The following FNBP4 variants were observed in gnomAD, a reference collection of about 807,000 sequenced individuals.
FNBP4 encodes formin binding protein 4, also known as formin-binding protein 4.
A neutral mutation model predicts 119.3 loss-of-function variants in FNBP4; 34 were observed. The ratio of observed to expected loss-of-function variants is 0.28; its 90% confidence interval spans 0.22 to 0.38. FNBP4 has a LOEUF of 0.38. Among genes scored for constraint, FNBP4 ranks in the 10% least tolerant of loss-of-function variants. The pLI is 1.00. For synonymous variants in FNBP4, 462 were observed against 430.6 expected (o/e 1.07, Z -0.90); for missense variants, 1,112 against 1,228.9 (o/e 0.90, Z 1.42).
At chr11:47,759,514 C>T (rs1477994628) in intron 2 of FNBP4, among the ~76,000 whole-genome samples, 2 of 151,928 alleles carry the variant, frequency 1.3e-5, no homozygotes, top group East Asian at 1.9e-4. Flanking sequence ...GCGCCCGGCC[C>T]AATTTTCTTG....
chr11:47,745,600 C>T (rs952182342), intron 7 of FNBP4, among the ~76,000 whole-genome samples: 1 of 151,876 alleles, frequency 6.6e-6, no homozygotes, highest in Non-Finnish European at 1.5e-5. Flanking sequence ...GAACATAGAC[C>T]CTTATCAGTA....
intron 12 of FNBP4, among the ~76,000 whole-genome samples, chr11:47,727,200 T>C (rs777208456): frequency 5.3e-5 from 8 of 152,050 alleles, no homozygotes; most frequent in Non-Finnish European, 8.8e-5. Context: ...TTGATAAAAT[T>C]AGCCACAAAT....
intron 11 of FNBP4, 84 bp from the exon 12 acceptor site, chr11:47,731,645 G>A: frequency 6.6e-7 from 1 of 1,516,290 alleles, no homozygotes; most frequent in Non-Finnish European, 8.8e-7. Context: ...CAGGACAGCA[G>A]TCTGCTTTCA....
chr11:47,723,236 T>C lies in FNBP4; in HGVS notation c.2545A>G (p.Met849Val), dbSNP rs1160105416. Residue 849 changes from methionine to valine, a missense_variant, in exon 15 of 17, where the codon ATG (methionine) becomes GTG (valine). Coordinates refer to ENST00000263773, the MANE Select transcript of FNBP4 (RefSeq NM_015308.5). ...CTCATTCCTCTGGCCTGATGACCCA[T>C]TCCTGCTGCTGGAAGGCTAACTGGT... is the stretch of plus-strand genomic sequence containing the variant. ...TIPVSLPAAG[M>V]GHQARGMSLQ... 1 of 1,614,200 alleles carries C rather than the reference T, an allele frequency of 6.2e-7. No homozygotes were observed. Among genetic ancestry groups the C allele is most frequent in the Admixed American group, 1.7e-5 (1 of 60,018 alleles).
intron 2 of FNBP4, among the ~76,000 whole-genome samples, chr11:47,762,501 T>C (rs967795468): frequency 6.6e-6 from 1 of 152,068 alleles, no homozygotes; most frequent in African/African-American, 2.4e-5. Flanking sequence ...TGATCATATA[T>C]AGCTGACTGC....
At chr11:47,761,343 C>G (rs1599265055) in intron 2 of FNBP4, among the ~76,000 whole-genome samples, 1 of 152,088 alleles carries the variant, frequency 6.6e-6, no homozygotes. Context: ...CGCTCTAATC[C>G]CAGCACTTTG....
Position 47,767,231 on chromosome 11 carries a change from G to T in FNBP4, c.58C>A (p.Pro20Thr), listed in dbSNP as rs1229989308. Residue 20 changes from proline (P) to threonine (T), a missense_variant, in exon 1 of 17, where the codon CCG (proline) becomes ACG (threonine). By Grantham distance (38) the Pro-to-Thr change is conservative. Around this residue, in one of 2 missense-constraint regions of FNBP4, gnomAD observed 286 missense variants for 240.1 expected, o/e 1.19. Transcript: ENST00000263773. ...GRRPILQLSP[P>T]GPRGSTPGRD... ...CCCGGCGTGCTGCCCCGAGGACCCG[G>T]CGGAGAGAGTTGCAGGATGGGCCTA... is the stretch of plus-strand genomic sequence containing the variant. The T allele has an allele frequency of 6.4e-7, 1 of 1,570,504 alleles. No individual in the cohort carries two copies. Among genetic ancestry groups the T allele is most frequent in the Admixed American group, 1.8e-5 (1 of 55,060 alleles).
intron 12 of FNBP4, among the ~76,000 whole-genome samples, chr11:47,727,776 G>A (rs779181396): frequency 1.3e-5 from 2 of 152,138 alleles, no homozygotes; most frequent in African/African-American, 4.8e-5. Flanking sequence ...CATGGATGTC[G>A]TATTACAATG....
chr11:47,748,097 G>A (rs551129700), intron 6 of FNBP4, among the ~76,000 whole-genome samples: 84 of 151,490 alleles, frequency 5.5e-4, no homozygotes, highest in Middle Eastern at 3.4e-3. Flanking sequence ...AAAATTAGCC[G>A]GGCGTGGGAC....
intron 6 of FNBP4, among the ~76,000 whole-genome samples, chr11:47,747,299 G>A (rs1235902553): frequency 6.6e-6 from 1 of 152,072 alleles, no homozygotes; most frequent in African/African-American, 2.4e-5. Flanking sequence ...CTGCCTCCCG[G>A]GTTCAAGCAA....
At position 47,732,719 on chromosome 11, in the gene FNBP4, A is replaced by G; in HGVS notation, c.1687-49T>C. ...TAAAGACTTATTATTACATGTCAGGAGACACAGGCAAAGGGGATATAAACC... is the reference window on the plus strand; with the variant it reads ...TAAAGACTTATTATTACATGTCAGGGGACACAGGCAAAGGGGATATAAACC... On this transcript the variant is annotated intron_variant, in intron 10 of 16. Coordinates refer to ENST00000263773, the MANE Select transcript of FNBP4 (RefSeq NM_015308.5). This position sits in a 1 kb window ranked among gnomAD's most constrained non-coding sequence, Gnocchi z 4.2. 5.1e-6 allele frequency: 8 copies of G among 1,573,826 alleles called. No individual in the cohort carries two copies. The highest frequency in any genetic ancestry group is 7.0e-6 in the Non-Finnish European group (8 of 1,143,968).
chr11:47,717,278 AC>A lies in FNBP4; in HGVS notation c.*143del. On this transcript the variant is annotated 3_prime_UTR_variant, in exon 17 of 17. Transcript: ENST00000263773. ...AAAATTACATTTCACAAAAGTGAAA[AC>A]TTTGTATGCATACACTCTTGCCCAG... 1.7e-6 allele frequency: 1 copy of A among 586,566 alleles called. No homozygotes were observed. Among genetic ancestry groups the A allele is most frequent in the Non-Finnish European group, 3.0e-6 (1 of 338,682 alleles). The allele number at this position is 586,566 out of a possible 1,614,324, so 36.3% of individuals were successfully genotyped here.
intron 2 of FNBP4, among the ~76,000 whole-genome samples, chr11:47,762,876 C>A (rs1397056053): frequency 6.9e-6 from 1 of 145,464 alleles, no homozygotes; most frequent in Non-Finnish European, 1.5e-5. Context: ...CGCCACTGCA[C>A]TCCAGCCTGG....
intron 12 of FNBP4, chr11:47,725,026 C>T (rs1166665042): frequency 2.8e-5 from 10 of 355,494 alleles, no homozygotes; most frequent in African/African-American, 1.3e-4. Context: ...ATGACTTCCA[C>T]GGAAAGATAA....
chr11:47,745,299 C>G (rs2097588212), intron 7 of FNBP4, among the ~76,000 whole-genome samples: 1 of 152,066 alleles, frequency 6.6e-6, no homozygotes, highest in South Asian at 2.1e-4. Flanking sequence ...AATGGACATG[C>G]AAGTAGGGAA....
At chr11:47,758,852 C>T (rs376364790) in intron 2 of FNBP4, among the ~76,000 whole-genome samples, 4 of 150,722 alleles carry the variant, frequency 2.7e-5, no homozygotes, top group South Asian at 4.2e-4. Flanking sequence ...GGCGAGACTC[C>T]GTCTAAAAAA....
In FNBP4 at chr11:47,736,748, A is replaced by T. The variant is rs2097574688; in HGVS notation, c.1457-8T>A. 1 of 1,589,726 alleles carries T rather than the reference A, an allele frequency of 6.3e-7. No individual in the cohort carries two copies. Among genetic ancestry groups the T allele is most frequent in the East Asian group, 2.2e-5 (1 of 44,646 alleles). On this transcript the variant is annotated splice_region_variant and splice_polypyrimidine_tract_variant and intron_variant, in intron 8 of 16. Coordinates refer to ENST00000263773, the MANE Select transcript of FNBP4 (RefSeq NM_015308.5). ...AATTTTCAGCACCAATTGCTGTAAA[A>T]AAAACATGTAAAATTAAACCAAAGT...
intron 10 of FNBP4, among the ~76,000 whole-genome samples, chr11:47,733,699 C>A (rs1395446995): frequency 6.6e-6 from 1 of 152,076 alleles, no homozygotes; most frequent in Non-Finnish European, 1.5e-5. Flanking sequence ...TCCTGCCCTG[C>A]CATTTTGTAA....
chr11:47,729,333 A>G (rs1247426350), intron 12 of FNBP4: 7 of 985,470 alleles, frequency 7.1e-6, no homozygotes, highest in Non-Finnish European at 7.2e-6. Context: ...CATAAGCCCA[A>G]TATAAAAGAT....
Sources: allele counts gnomAD v4.1 joint callset (sites outside exome capture counted in the v4.1 genomes callset), GRCh38; gene constraint gnomAD v4.1.1; regional missense constraint gnomAD v4.1.1; non-coding constraint Gnocchi (gnomAD v3.1); transcripts MANE v1.5; gene names NCBI Gene and HGNC (gene_info 2026-07-23, HGNC 2026-07-21).